Variants in IMMT observed in about 807,000 individuals in gnomAD.
The protein encoded by IMMT is MICOS complex subunit MIC60.
IMMT carries 40 observed loss-of-function variants against 92.7 expected under a neutral mutation model. The observed-to-expected ratio is 0.43, with a 90% CI of 0.34 to 0.56. IMMT has a LOEUF of 0.56. IMMT is among the 20% of genes least tolerant of loss of function. The pLI, the probability that IMMT is intolerant of heterozygous loss-of-function variation, is 0.03. For synonymous variants in IMMT, 322 were observed against 336.1 expected (o/e 0.96, Z 0.46); for missense variants, 831 against 912.1 (o/e 0.91, Z 1.14).
At chr2:86,160,255 G>T (rs1452445785) in intron 8 of IMMT, among the ~76,000 whole-genome samples, 2 of 152,158 alleles carry the variant, frequency 1.3e-5, no homozygotes, top group Non-Finnish European at 1.5e-5. Context: ...ACATGCTTTC[G>T]TGTAAGGAAC....
At chr2:86,153,399 C>A (rs553936336) in intron 11 of IMMT, among the ~76,000 whole-genome samples, 161 bp downstream of exon 11, 1 of 151,220 alleles carries the variant, frequency 6.6e-6, no homozygotes, top group Non-Finnish European at 1.5e-5. Flanking sequence ...TGAGAGCATT[C>A]GGATGCCAAA....
intron 8 of IMMT, among the ~76,000 whole-genome samples, chr2:86,160,938 G>A (rs978587940): frequency 5.9e-5 from 9 of 152,086 alleles, no homozygotes; most frequent in Admixed American, 2.6e-4. Flanking sequence ...TGACTTTTAT[G>A]TAAGATCCTT....
intron 13 of IMMT, among the ~76,000 whole-genome samples, chr2:86,147,213 A>G (rs1208163716): frequency 6.6e-6 from 1 of 152,218 alleles, no homozygotes; most frequent in Non-Finnish European, 1.5e-5. Context: ...ACCTTTTCAT[A>G]CTGACATACA....
Position 86,153,578 on chromosome 2 carries a change from CA to C in IMMT, c.1163-5del. 6.8e-7 allele frequency: 1 copy of C among 1,466,382 alleles called. No individual in the cohort carries two copies. The highest frequency in any genetic ancestry group is 9.2e-7 in the Non-Finnish European group (1 of 1,087,010). The allele number at this position is 1,466,382 out of a possible 1,614,324, so 90.8% of individuals were successfully genotyped here. ...CACTCACCTAAGTCTGAAACACCTACAAAGGAAAAAATAGAACAGTTTGAAA... is the reference window on the plus strand; with the variant it reads ...CACTCACCTAAGTCTGAAACACCTACAAGGAAAAAATAGAACAGTTTGAAA... On this transcript the variant is annotated splice_region_variant and splice_polypyrimidine_tract_variant and intron_variant, in intron 10 of 14. Coordinates refer to ENST00000410111, the MANE Select transcript of IMMT (RefSeq NM_006839.3).
intron 14 of IMMT, 116 bp downstream of exon 14, chr2:86,145,952 T>G: frequency 1.4e-6 from 1 of 727,228 alleles, no homozygotes; most frequent in Non-Finnish European, 2.0e-6. Context: ...TTAAGTAGAG[T>G]GATTAGTATT....
intron 12 of IMMT, among the ~76,000 whole-genome samples, chr2:86,150,358 T>C (rs2104652447): frequency 6.6e-6 from 1 of 152,290 alleles, no homozygotes; most frequent in East Asian, 1.9e-4. Flanking sequence ...GTTTCAGAAC[T>C]AATGCCAGGT....
intron 2 of IMMT, among the ~76,000 whole-genome samples, chr2:86,180,327 A>G (rs577779011): frequency 3.9e-5 from 6 of 152,054 alleles, no homozygotes; most frequent in Non-Finnish European, 8.8e-5. Flanking sequence ...GTGCGATGGC[A>G]CGATCTTGGC....
At chr2:86,161,022 C>T (rs922253527) in intron 8 of IMMT, among the ~76,000 whole-genome samples, 1 of 150,124 alleles carries the variant, frequency 6.7e-6, no homozygotes, top group African/African-American at 2.5e-5. Context: ...GGCTTGAGCC[C>T]GGGAGGTTGA....
intron 2 of IMMT, among the ~76,000 whole-genome samples, chr2:86,180,657 C>A (rs1183580493): frequency 1.3e-5 from 2 of 151,548 alleles, no homozygotes; most frequent in Non-Finnish European, 2.9e-5. Context: ...GAGGCCGAGG[C>A]GGATGGATCA....
At chr2:86,158,775 T>A in intron 9 of IMMT, 54 bp from the exon 10 acceptor site, 1 of 1,424,898 alleles carries the variant, frequency 7.0e-7, no homozygotes, top group Non-Finnish European at 9.6e-7. Context: ...ACCATAAACA[T>A]TCCAAGAAAC....
chr2:86,146,761 C>T (rs865948136), intron 13 of IMMT, among the ~76,000 whole-genome samples: 3 of 151,650 alleles, frequency 2.0e-5, no homozygotes, highest in Non-Finnish European at 4.4e-5. Flanking sequence ...AACAAACTGC[C>T]AACTGTATTT....
In IMMT at chr2:86,173,820, G is replaced by C. The variant is rs907038475; in HGVS notation, c.310-59C>G. ...TACTACTGTTTTTTAAAAAGGTACA[G>C]TGATTTGCAGTATTTCAAATGCCAA... On this transcript the variant is annotated intron_variant, in intron 3 of 14. Coordinates refer to ENST00000410111, the MANE Select transcript of IMMT (RefSeq NM_006839.3). The C allele has an allele frequency of 5.9e-6, 5 of 853,520 alleles. No individual in the cohort carries two copies. In the African/African-American group the frequency reaches 8.5e-5, roughly 15 times the overall value. 52.9% of individuals were successfully genotyped at this position (853,520 alleles called of 1,614,324 possible).
intron 8 of IMMT, among the ~76,000 whole-genome samples, chr2:86,161,493 TAC>T (rs1676268391): frequency 6.7e-6 from 1 of 149,452 alleles, no homozygotes; most frequent in African/African-American, 2.5e-5. Flanking sequence ...TCTCTCTTTT[TAC>T]ACCTTTGTAC....
chr2:86,152,124 T>A (rs1400753102), intron 11 of IMMT, among the ~76,000 whole-genome samples: 1 of 152,092 alleles, frequency 6.6e-6, no homozygotes, highest in African/African-American at 2.4e-5. Flanking sequence ...TCCAAAAATG[T>A]AGCAACACAT....
chr2:86,161,749 C>T (rs1157374307), intron 8 of IMMT, among the ~76,000 whole-genome samples: 1 of 151,680 alleles, frequency 6.6e-6, no homozygotes, highest in African/African-American at 2.4e-5. Context: ...CTCTTGACCT[C>T]GTGATCTGTC....
intron 1 of IMMT, among the ~76,000 whole-genome samples, chr2:86,194,415 G>C (rs1673387337): frequency 6.6e-6 from 1 of 152,180 alleles, no homozygotes; most frequent in East Asian, 1.9e-4. Flanking sequence ...GGCTGCTTCT[G>C]TTACCTAGCA....
rs373525737 is a variant in IMMT at position 86,191,671 on chromosome 2, A to G, written c.45+3667T>C. Reference sequence around the variant, plus strand: ...GTAATCCCAGCACTTTGGGAGGCCAAGGTGGGGGGATCACAAGGTCAGGAG... The same window carrying G: ...GTAATCCCAGCACTTTGGGAGGCCAGGGTGGGGGGATCACAAGGTCAGGAG... On this transcript the variant is annotated intron_variant, in intron 1 of 14. Transcript: ENST00000410111. Among the ~76,000 whole-genome samples, 46 of 150,136 alleles carry G rather than the reference A, an allele frequency of 3.1e-4. No homozygotes were observed. The South Asian group carries it at 7.6e-3, about 25-fold the overall frequency.
intron 3 of IMMT, among the ~76,000 whole-genome samples, chr2:86,178,202 C>G (rs1041865403): frequency 6.6e-6 from 1 of 151,578 alleles, no homozygotes; most frequent in African/African-American, 2.4e-5. Context: ...CCTGTAGGCC[C>G]AGCTACTCAG....
intron 12 of IMMT, 142 bp from the exon 13 acceptor site, chr2:86,147,975 ACTT>A: frequency 1.4e-6 from 1 of 705,956 alleles, no homozygotes; most frequent in Non-Finnish European, 2.3e-6. Flanking sequence ...GTACACTTCT[ACTT>A]CTCATGTGAA....
Sources: allele counts gnomAD v4.1 joint callset (sites outside exome capture counted in the v4.1 genomes callset), GRCh38; gene constraint gnomAD v4.1.1; transcripts MANE v1.5; gene names NCBI Gene and HGNC (gene_info 2026-07-23, HGNC 2026-07-21).